The following ARMC10 variants were observed in gnomAD, a reference collection of about 807,000 sequenced individuals.
ARMC10 encodes armadillo repeat-containing protein 10.
ARMC10 carries 23 observed loss-of-function variants against 30.2 expected under a neutral mutation model. The ratio of observed to expected loss-of-function variants is 0.76; its 90% CI spans 0.55 to 1.08. The LOEUF is 1.08. Ranked by LOEUF, ARMC10 falls within the 50% of genes least tolerant of loss-of-function variation. ARMC10 has a pLI of 0.00. For missense variants in ARMC10, 303 were observed against 413.7 expected (o/e 0.73, Z 2.32); for synonymous variants, 111 against 164.4 (o/e 0.68, Z 2.48).
At position 103,080,255 on chromosome 7, in the gene ARMC10, G is replaced by A. The variant is rs1224588384; in HGVS notation, c.245-3427G>A. ...TACTAAAAAGTTATACATGGTTTTT[G>A]TTTTGTTTTGTTGTTTTGAGATGGA... On this transcript the variant is annotated intron_variant, in intron 2 of 6. Transcript: ENST00000323716. 3.3e-5 allele frequency among the ~76,000 whole-genome samples: 5 copies of A among 152,292 alleles called. No individual in the cohort carries two copies. The East Asian group carries it at 9.6e-4, about 29-fold the overall frequency.
At chr7:103,097,066 C>T (rs1465805472) in intron 5 of ARMC10, 3 of 583,316 alleles carry the variant, frequency 5.1e-6, no homozygotes, top group Non-Finnish European at 9.2e-6. Flanking sequence ...ATGATAGGTT[C>T]TCTAAGAGTG....
intron 1 of ARMC10, 86 bp from the exon 2 acceptor site, chr7:103,075,691 C>T: frequency 9.7e-7 from 1 of 1,034,974 alleles, no homozygotes; most frequent in East Asian, 2.9e-5. Flanking sequence ...AAGCTTGCTC[C>T]GGGCCTTTGT....
intron 4 of ARMC10, among the ~76,000 whole-genome samples, chr7:103,087,493 A>G (rs914017960): frequency 7.9e-5 from 12 of 152,242 alleles, no homozygotes; most frequent in Non-Finnish European, 1.3e-4. Context: ...CACTTCAGCC[A>G]TGGCATATAT....
At chr7:103,082,492 A>G (rs947179440) in intron 2 of ARMC10, among the ~76,000 whole-genome samples, 2 of 94,264 alleles carry the variant, frequency 2.1e-5, no homozygotes, top group African/African-American at 5.9e-5. Context: ...ACCTTTAACA[A>G]TTTTATTTAC....
intron 5 of ARMC10, 132 bp from the exon 6 acceptor site, chr7:103,097,145 T>G: frequency 1.4e-6 from 1 of 727,852 alleles, no homozygotes; most frequent in East Asian, 2.5e-5. Context: ...TTTCCTGGAG[T>G]AGAGAGAATT....
intron 5 of ARMC10, 30 bp from the exon 6 acceptor site, chr7:103,097,247 C>G (rs760516578): frequency 6.3e-7 from 1 of 1,581,856 alleles, no homozygotes; most frequent in Non-Finnish European, 8.7e-7. Context: ...GCTTGCCAGT[C>G]TGAGATAAGC....
intron 2 of ARMC10, among the ~76,000 whole-genome samples, chr7:103,082,768 C>A (rs1330414476): frequency 1.3e-5 from 2 of 152,026 alleles, no homozygotes; most frequent in South Asian, 2.1e-4. Flanking sequence ...TTCTGTTCTT[C>A]CTGTGGTGAT....
intron 4 of ARMC10, among the ~76,000 whole-genome samples, chr7:103,087,535 G>C (rs1449412283): frequency 6.6e-6 from 1 of 152,160 alleles, no homozygotes; most frequent in Non-Finnish European, 1.5e-5. Context: ...CTTGGTTATA[G>C]AAAAGAGCAG....
At chr7:103,083,594 C>A in intron 2 of ARMC10, 88 bp from the exon 3 acceptor site, 41 of 1,226,518 alleles carry the variant, frequency 3.3e-5, no homozygotes, top group Non-Finnish European at 4.5e-5. Context: ...CCACCGCACA[C>A]CAGCCTGGGT....
At chr7:103,076,437 T>C (rs577011482) in intron 2 of ARMC10, among the ~76,000 whole-genome samples, 139 of 152,202 alleles carry the variant, frequency 9.1e-4, no homozygotes, top group Non-Finnish European at 1.7e-3. Flanking sequence ...TCTATCTTCC[T>C]GGAAGAGTAG....
intron 2 of ARMC10, chr7:103,081,735 T>C: frequency 2.8e-6 from 1 of 359,316 alleles, no homozygotes; most frequent in Non-Finnish European, 5.5e-6. Flanking sequence ...TTGAAATATC[T>C]CAAATATGGA....
At chr7:103,092,712 A>G (rs1354517429) in intron 5 of ARMC10, 59 bp downstream of exon 5, 5 of 1,281,590 alleles carry the variant, frequency 3.9e-6, no homozygotes, top group South Asian at 2.0e-5. Context: ...CAGGCCACCT[A>G]TCTTAAGTTG....
intron 5 of ARMC10, 22 bp downstream of exon 5, chr7:103,092,675 A>G (rs1486396217): frequency 3.4e-6 from 5 of 1,491,606 alleles, no homozygotes; most frequent in East Asian, 2.4e-5. Flanking sequence ...TATTGTGTCA[A>G]GCTTATTAAC....
intron 5 of ARMC10, among the ~76,000 whole-genome samples, chr7:103,094,385 T>C (rs998425356): frequency 6.6e-6 from 1 of 152,232 alleles, no homozygotes; most frequent in Non-Finnish European, 1.5e-5. Flanking sequence ...CATATATTTG[T>C]TTAATCTGTA....
Position 103,075,194 on chromosome 7 carries a change from C to T in ARMC10, c.-79C>T, listed in dbSNP as rs1799576287. On this transcript the variant is annotated 5_prime_UTR_variant, in exon 1 of 7. Coordinates refer to ENST00000323716, the MANE Select transcript of ARMC10 (RefSeq NM_031905.5). Reference sequence around the variant, plus strand: ...GCGTTTGCTGTGGCGGCTAGGCCCGCGTGCGCTGGAGACCTCCGCGCTGGC... The same window carrying T: ...GCGTTTGCTGTGGCGGCTAGGCCCGTGTGCGCTGGAGACCTCCGCGCTGGC... 1.9e-6 allele frequency: 2 copies of T among 1,037,760 alleles called. No homozygotes were observed. Among genetic ancestry groups the T allele is most frequent in the South Asian group, 9.3e-5 (2 of 21,566 alleles). 64.3% of individuals were successfully genotyped at this position (1,037,760 alleles called of 1,614,324 possible).
chr7:103,093,921 T>G (rs1475775381), intron 5 of ARMC10, among the ~76,000 whole-genome samples: 5 of 152,260 alleles, frequency 3.3e-5, no homozygotes, highest in African/African-American at 1.2e-4. Context: ...TTTGTTGTGT[T>G]GTGTTTTTCC....
At chr7:103,077,379 T>G (rs1394399254) in intron 2 of ARMC10, among the ~76,000 whole-genome samples, 1 of 151,992 alleles carries the variant, frequency 6.6e-6, no homozygotes, top group African/African-American at 2.4e-5. Context: ...ACTGGGTAAT[T>G]TATTAGGAAA....
At chr7:103,085,163 A>G (rs1800725176) in intron 3 of ARMC10, among the ~76,000 whole-genome samples, 1 of 150,524 alleles carries the variant, frequency 6.6e-6, no homozygotes, top group African/African-American at 2.4e-5. Context: ...TAGTCAGAGT[A>G]GGCCAGTACC....
At chr7:103,091,403 T>C (rs1801311804) in intron 4 of ARMC10, among the ~76,000 whole-genome samples, 1 of 152,190 alleles carries the variant, frequency 6.6e-6, no homozygotes, top group African/African-American at 2.4e-5. Flanking sequence ...ACACTGAGTT[T>C]AGTTGTGTCA....
Sources: allele counts gnomAD v4.1 joint callset (sites outside exome capture counted in the v4.1 genomes callset), GRCh38; gene constraint gnomAD v4.1.1; transcripts MANE v1.5; gene names NCBI Gene and HGNC (gene_info 2026-07-23, HGNC 2026-07-21).